Variants in CAND1 observed in about 807,000 individuals in gnomAD.
CAND1 encodes the protein cullin-associated NEDD8-dissociated protein 1.
In CAND1, 7 loss-of-function variants were observed where a neutral mutation model predicts 108.5. That is an observed-to-expected ratio of 0.06 (90% CI 0.04 to 0.12). The LOEUF is 0.12. CAND1 is among the 10% of genes least tolerant of loss of function. The pLI is 1.00. For missense variants in CAND1, 941 were observed against 1,448.7 expected (o/e 0.65, Z 5.69); for synonymous variants, 534 against 512.0 (o/e 1.04, Z -0.58).
intron 2 of CAND1, among the ~76,000 whole-genome samples, chr12:67,288,315 A>T (rs2044691619): frequency 6.6e-6 from 1 of 151,822 alleles, no homozygotes; most frequent in Non-Finnish European, 1.5e-5. Flanking sequence ...TTTTGTAGAG[A>T]CAGGGTTTCA....
chr12:67,278,471 C>T (rs1038023972), intron 1 of CAND1, among the ~76,000 whole-genome samples: 1 of 151,180 alleles, frequency 6.6e-6, no homozygotes, highest in Admixed American at 6.6e-5. Flanking sequence ...ATCAGTCTTT[C>T]CTGACACAAC....
intron 2 of CAND1, chr12:67,282,297 A>G (rs187475625): frequency 3.2e-6 from 1 of 314,424 alleles, no homozygotes; most frequent in South Asian, 5.9e-5. Context: ...AGGGAACTCC[A>G]AAAACAATGG....
intron 3 of CAND1, 35 bp downstream of exon 3, chr12:67,292,811 T>C: frequency 1.2e-6 from 2 of 1,608,760 alleles, no homozygotes; most frequent in African/African-American, 1.3e-5. Flanking sequence ...CTATTTCTTT[T>C]TGTGTGGAGG....
At chr12:67,277,419 A>T (rs1053603976) in intron 1 of CAND1, among the ~76,000 whole-genome samples, 1 of 152,194 alleles carries the variant, frequency 6.6e-6, no homozygotes, top group African/African-American at 2.4e-5. Context: ...AAAGAAGCTT[A>T]TCTAACACAT....
intron 14 of CAND1, among the ~76,000 whole-genome samples, 189 bp downstream of exon 14, chr12:67,311,989 T>C (rs1026800197): frequency 6.6e-6 from 1 of 152,208 alleles, no homozygotes; most frequent in African/African-American, 2.4e-5. Flanking sequence ...TAAAAGTTTT[T>C]GTTTATTGCT....
At position 67,311,702 on chromosome 12, in the gene CAND1, T is replaced by G; in HGVS notation, c.3370T>G (p.Phe1124Val). The change falls in exon 14 of 15, where the codon TTT (phenylalanine) becomes GTT (valine). Residue 1124 changes from phenylalanine to valine, a missense_variant. Physicochemically the swap from Phe to Val is conservative, Grantham distance 50. Coordinates refer to ENST00000545606, the MANE Select transcript of CAND1 (RefSeq NM_018448.5). ...KDHYDIKMLTFLMLVRLSTLC... is the reference protein window; with the variant it reads ...KDHYDIKMLTVLMLVRLSTLC... ...TTTTTATTCCTAATAGATGCTGACA[T>G]TTTTAATGTTGGTGAGACTGTCTAC... 1 of 1,599,574 alleles carries G rather than the reference T, an allele frequency of 6.3e-7. No individual in the cohort carries two copies. Among genetic ancestry groups the G allele is most frequent in the Non-Finnish European group, 8.6e-7 (1 of 1,167,228 alleles).
chr12:67,291,479 G>A (rs1281744895), intron 2 of CAND1, among the ~76,000 whole-genome samples: 2 of 152,128 alleles, frequency 1.3e-5, no homozygotes, highest in African/African-American at 4.8e-5. Context: ...TATCTGAAAT[G>A]CTTGTGACCA....
At chr12:67,278,721 G>C (rs1443179791) in intron 1 of CAND1, among the ~76,000 whole-genome samples, 1 of 151,802 alleles carries the variant, frequency 6.6e-6, no homozygotes, top group Non-Finnish European at 1.5e-5. Flanking sequence ...GTTTCACCAT[G>C]TTGGCCAGGC....
intron 14 of CAND1, 57 bp downstream of exon 14, chr12:67,311,857 C>T: frequency 1.0e-6 from 1 of 956,846 alleles, no homozygotes; most frequent in Non-Finnish European, 1.7e-6. Context: ...GATTCCTAGC[C>T]AATTCTTTTC....
At chr12:67,294,992 A>G (rs755399020) in intron 3 of CAND1, 41 bp from the exon 4 acceptor site, 2 of 1,593,796 alleles carry the variant, frequency 1.3e-6, no homozygotes, top group South Asian at 1.1e-5. Flanking sequence ...GGAATTCAAC[A>G]TGCTTGCCTT....
At position 67,272,494 on chromosome 12, in the gene CAND1, C is replaced by G. The variant is rs547808444; in HGVS notation, c.68+2709C>G. 7.9e-5 allele frequency among the ~76,000 whole-genome samples: 12 copies of G among 152,206 alleles called. 2 individuals carry two copies. In the South Asian group the frequency reaches 2.5e-3, roughly 32 times the overall value. ...TGCAGGCTTAAAAATTTGGAAATTT[C>G]TGCATTTTAAAAGAATCTTTTTGTA... On this transcript the variant is annotated intron_variant, in intron 1 of 14. Transcript: ENST00000545606.
chr12:67,278,559 C>G (rs2044591288), intron 1 of CAND1, among the ~76,000 whole-genome samples: 1 of 152,068 alleles, frequency 6.6e-6, no homozygotes, highest in Non-Finnish European at 1.5e-5. Context: ...CACTCTGTCA[C>G]CTAGGCTGTA....
In CAND1 at chr12:67,305,273, T is replaced by G; in HGVS notation, c.1605T>G (p.Ile535Met). Residue 535 changes from isoleucine (I) to methionine (M), a missense_variant, in exon 10 of 15, where the codon ATT becomes ATG. By Grantham distance (10) the Ile-to-Met change is conservative. Transcript: ENST00000545606. The surrounding 1 kb of genome is among the most constrained non-coding windows in gnomAD (Gnocchi z 4.4). ...GTGTTGGAGACCCATTTTACAAAAT[T>G]ACATCTGAAGCACTTCTTGTTACTC... ...VACVGDPFYK[I>M]TSEALLVTQQ... 1.9e-6 allele frequency: 3 copies of G among 1,614,194 alleles called. No homozygotes were observed. Among genetic ancestry groups the G allele is most frequent in the Non-Finnish European group, 2.5e-6 (3 of 1,180,024 alleles).
At position 67,305,730 on chromosome 12, in the gene CAND1, G is replaced by A; in HGVS notation, c.2062G>A (p.Ala688Thr). 9 of 1,614,166 alleles carry A rather than the reference G, an allele frequency of 5.6e-6. No homozygotes were observed. The highest frequency in any genetic ancestry group is 6.8e-6 in the Non-Finnish European group (8 of 1,180,036). Residue 688 changes from alanine (A) to threonine (T), a missense_variant, in exon 10 of 15, where the codon GCC becomes ACC. Physicochemically the swap from Ala to Thr is moderately conservative, Grantham distance 58. This residue lies in a region of CAND1 where 697 missense variants were observed against 942.0 expected (regional missense o/e 0.74). Transcript: ENST00000545606. This position sits in a 1 kb window ranked among gnomAD's most constrained non-coding sequence, Gnocchi z 4.4. ...IKNYSDSLTA[A>T]MIDAVLDELP... ...AAACTATAGTGACAGCTTGACAGCTGCCATGATTGATGCAGTTCTAGATGA... is the reference window on the plus strand; with the variant it reads ...AAACTATAGTGACAGCTTGACAGCTACCATGATTGATGCAGTTCTAGATGA...
chr12:67,308,855 A>G (rs1440260053), intron 11 of CAND1, among the ~76,000 whole-genome samples: 1 of 151,834 alleles, frequency 6.6e-6, no homozygotes, highest in Non-Finnish European at 1.5e-5. Flanking sequence ...TTTCTTGGAT[A>G]TCAACATTGG....
intron 1 of CAND1, among the ~76,000 whole-genome samples, chr12:67,277,777 C>A (rs1479141503): frequency 6.6e-6 from 1 of 152,136 alleles, no homozygotes; most frequent in Non-Finnish European, 1.5e-5. Flanking sequence ...AAATATGGAA[C>A]CTGGGAATAA....
Position 67,307,481 on chromosome 12 carries a change from A to G in CAND1, c.3014A>G (p.Lys1005Arg). 2 of 1,603,706 alleles carry G rather than the reference A, an allele frequency of 1.2e-6. No homozygotes were observed. The highest frequency in any genetic ancestry group is 1.7e-6 in the Non-Finnish European group (2 of 1,172,500). Residue 1005 changes from lysine (K) to arginine (R), a missense_variant, in exon 11 of 15, where the codon AAG (lysine) becomes AGG (arginine). This residue lies in a region of CAND1 where 106 missense variants were observed against 182.0 expected (regional missense o/e 0.58). Transcript: ENST00000545606. ...CCACAACCTATTGATCCACTGTTAA[A>G]GAACTGCATAGGTAAGTGGAAACAA... ...DHPQPIDPLL[K>R]NCIGDFLKTL...
Position 67,306,589 on chromosome 12 carries a change from T to C in CAND1, c.2921T>C (p.Leu974Ser). ...CTCCTTCCACGGCTTAAGGGGTACT[T>C]GATATCAGGTAGGTATCTAGATTTT... The part of the protein sequence containing the change: ...ETLLPRLKGY[L>S]ISGSSYARSS... The change falls in exon 10 of 15, where the codon TTG (leucine) becomes TCG (serine). Residue 974 changes from leucine to serine, a missense_variant. By Grantham distance (145) the Leu-to-Ser change is moderately radical. Around this residue, in one of 9 missense-constraint regions of CAND1, gnomAD observed 106 missense variants for 182.0 expected, o/e 0.58. Coordinates refer to ENST00000545606, the MANE Select transcript of CAND1 (RefSeq NM_018448.5). The C allele has an allele frequency of 6.3e-7, 1 of 1,596,234 alleles. No individual in the cohort carries two copies. Among genetic ancestry groups the C allele is most frequent in the Non-Finnish European group, 8.5e-7 (1 of 1,171,832 alleles).
At chr12:67,282,970 T>TA in intron 2 of CAND1, among the ~76,000 whole-genome samples, 1 of 152,200 alleles carries the variant, frequency 6.6e-6, no homozygotes, top group Non-Finnish European at 1.5e-5. Context: ...TCCATTAACA[T>TA]ACTGATTTAG....
Sources: gnomAD v4.1 joint callset for allele counts (sites outside exome capture counted in the v4.1 genomes callset) on GRCh38, gnomAD v4.1.1 for gene constraint, gnomAD v4.1.1 regional missense constraint, Gnocchi (gnomAD v3.1) non-coding constraint, MANE v1.5 for transcripts, NCBI Gene and HGNC (gene_info 2026-07-23, HGNC 2026-07-21) for gene names.